Variants in CSMD1 observed in about 807,000 individuals in gnomAD.
CSMD1 encodes the protein CUB and Sushi multiple domains 1, also known as CUB and sushi domain-containing protein 1.
In CSMD1, 213 loss-of-function variants were observed where a neutral mutation model predicts 417.5. That is an observed-to-expected ratio of 0.51 (90% CI 0.46 to 0.57). The LOEUF (loss-of-function observed/expected upper bound fraction) is 0.57, where lower values mean the gene tolerates loss of function less well. CSMD1 is among the 20% of genes least tolerant of loss of function. The pLI, the probability that CSMD1 is intolerant of heterozygous loss-of-function variation, is 0.00. For synonymous variants in CSMD1, 2,862 were observed against 1,736.8 expected (o/e 1.65, Z -16.11); for missense variants, 6,923 against 4,529.7 (o/e 1.53, Z -15.17).
At chr8:4,061,199 C>G (rs1177441048) in intron 3 of CSMD1, among the ~76,000 whole-genome samples, 3 of 152,154 alleles carry the variant, frequency 2.0e-5, no homozygotes, top group Non-Finnish European at 2.9e-5. Flanking sequence ...AACATGAGCC[C>G]TTTTAGGAAC....
At position 4,031,999 on chromosome 8, in the gene CSMD1, G is replaced by A. The variant is rs149086811; in HGVS notation, c.516C>T (p.Leu172=). The change falls in exon 4 of 70, where the codon CTC becomes CTT. Residue 172 remains leucine, a synonymous_variant. Transcript: ENST00000635120. ...NIGDKIRYSC[L]PGYILEGHAI... ...CGTGGCCTTCCAAGATGTAGCCAGG[G>A]AGGCAGCTGTACCGGATTTTGTCTC... The A allele has an allele frequency of 7.8e-4, 1,261 of 1,613,914 alleles. 9 individuals carry two copies. In the African/African-American group the frequency reaches 0.015, roughly 19 times the overall value.
At chr8:4,306,253 T>C (rs1030505035) in intron 3 of CSMD1, among the ~76,000 whole-genome samples, 1 of 152,198 alleles carries the variant, frequency 6.6e-6, no homozygotes, top group African/African-American at 2.4e-5. Context: ...CAATACGTGG[T>C]GGCACAAGTT....
chr8:4,140,668 A>T (rs2131014733), intron 3 of CSMD1, among the ~76,000 whole-genome samples: 1 of 150,878 alleles, frequency 6.6e-6, no homozygotes, highest in South Asian at 2.1e-4. Flanking sequence ...ACCCTGTCTC[A>T]ATTAAAAATA....
At chr8:2,989,731 A>G (rs771126546) in intron 54 of CSMD1, among the ~76,000 whole-genome samples, 2 of 152,206 alleles carry the variant, frequency 1.3e-5, no homozygotes, top group African/African-American at 4.8e-5. Flanking sequence ...AAATTAGAAG[A>G]AAGTGGAACC....
chr8:3,768,622 G>A (rs749772268), intron 5 of CSMD1, among the ~76,000 whole-genome samples: 2 of 152,316 alleles, frequency 1.3e-5, no homozygotes, highest in South Asian at 2.1e-4. Flanking sequence ...AGCAGGAATT[G>A]ACCATATTTT....
chr8:3,879,899 T>C (rs574707776), intron 5 of CSMD1, among the ~76,000 whole-genome samples: 236 of 152,228 alleles, frequency 1.6e-3, no homozygotes, highest in African/African-American at 5.3e-3. Flanking sequence ...TTCACGTTTT[T>C]ATCCCCTATA....
At chr8:4,054,788 C>A (rs769298782) in intron 3 of CSMD1, among the ~76,000 whole-genome samples, 1 of 152,014 alleles carries the variant, frequency 6.6e-6, no homozygotes. Flanking sequence ...TTCAAGTGGA[C>A]GAACAACAAT....
rs994149632 is a variant in CSMD1 at position 4,057,701 on chromosome 8, G to C, written c.416-25602C>G. On this transcript the variant is annotated intron_variant, in intron 3 of 69. Coordinates refer to ENST00000635120, the MANE Select transcript of CSMD1 (RefSeq NM_033225.6). ...TTAAGTCTTTAATCTATCTTGAATT[G>C]ATTTCTGTACAAGGTGTAAGGAAGG... 2.6e-5 allele frequency among the ~76,000 whole-genome samples: 4 copies of C among 151,680 alleles called. No individual in the cohort carries two copies. The East Asian group carries it at 7.8e-4, about 30-fold the overall frequency.
At chr8:4,250,751 T>C (rs1025862089) in intron 3 of CSMD1, among the ~76,000 whole-genome samples, 6 of 152,172 alleles carry the variant, frequency 3.9e-5, no homozygotes, top group African/African-American at 1.4e-4. Flanking sequence ...AGAAAAACTG[T>C]AAATATGTAT....
intron 5 of CSMD1, among the ~76,000 whole-genome samples, chr8:3,914,209 C>A (rs754902687): frequency 6.6e-6 from 1 of 152,022 alleles, no homozygotes; most frequent in Non-Finnish European, 1.5e-5. Context: ...AGGTAAGTAA[C>A]TTGAGCACCT....
chr8:3,242,777 C>T (rs75733799), intron 26 of CSMD1, among the ~76,000 whole-genome samples: 1 of 151,230 alleles, frequency 6.6e-6, no homozygotes, highest in Non-Finnish European at 1.5e-5. Flanking sequence ...GGGTTTCTTA[C>T]CCTCCAGACA....
At chr8:4,804,528 T>TGAGA (rs138277396) in intron 1 of CSMD1, among the ~76,000 whole-genome samples, 1 of 140,990 alleles carries the variant, frequency 7.1e-6, no homozygotes. Flanking sequence ...AGAATGGACG[T>TGAGA]GAGAGAGAGA....
intron 1 of CSMD1, among the ~76,000 whole-genome samples, chr8:4,892,613 G>C (rs1804194401): frequency 6.6e-6 from 1 of 151,978 alleles, no homozygotes; most frequent in Non-Finnish European, 1.5e-5. Flanking sequence ...AGTAAAAGTA[G>C]TCTTTCCTTA....
At chr8:4,869,304 G>C (rs569447823) in intron 1 of CSMD1, among the ~76,000 whole-genome samples, 7 of 151,950 alleles carry the variant, frequency 4.6e-5, no homozygotes, top group African/African-American at 1.7e-4. Flanking sequence ...TCATTTGATG[G>C]AAACAGTGGA....
rs1049476708 is a variant in CSMD1 at position 4,169,851 on chromosome 8, G to A, written c.416-137752C>T. On this transcript the variant is annotated intron_variant, in intron 3 of 69. Coordinates refer to ENST00000635120, the MANE Select transcript of CSMD1 (RefSeq NM_033225.6). The stretch of plus-strand genomic sequence containing the variant: ...TTCCTGAATTATTTCCATAGCATGC[G>A]TCATCATTTAGGATACTGTGTAATT... Among the ~76,000 whole-genome samples, 7 of 151,968 alleles carry A rather than the reference G, an allele frequency of 4.6e-5. No homozygotes were observed. In the East Asian group the frequency reaches 7.7e-4, roughly 17 times the overall value.
At chr8:4,242,641 T>G (rs1038662081) in intron 3 of CSMD1, among the ~76,000 whole-genome samples, 1 of 152,174 alleles carries the variant, frequency 6.6e-6, no homozygotes, top group Non-Finnish European at 1.5e-5. Flanking sequence ...CTTTGTGTGT[T>G]TGGAAATAGA....
chr8:4,135,243 T>G (rs999132482), intron 3 of CSMD1, among the ~76,000 whole-genome samples: 1 of 151,960 alleles, frequency 6.6e-6, no homozygotes, highest in Non-Finnish European at 1.5e-5. Flanking sequence ...GGGAATATAT[T>G]TATTCATGTC....
intron 1 of CSMD1, among the ~76,000 whole-genome samples, chr8:4,799,889 C>T (rs73661152): frequency 1.3e-5 from 2 of 152,142 alleles, no homozygotes; most frequent in African/African-American, 4.8e-5. Flanking sequence ...ATTCAACAGA[C>T]CTGGACTGGT....
At chr8:4,985,392 T>A (rs574640532) in intron 1 of CSMD1, among the ~76,000 whole-genome samples, 1 of 151,920 alleles carries the variant, frequency 6.6e-6, no homozygotes, top group African/African-American at 2.4e-5. Context: ...AAAAAAAATG[T>A]GGTGTAGGTG....
Sources: allele counts gnomAD v4.1 joint callset (sites outside exome capture counted in the v4.1 genomes callset), GRCh38; gene constraint gnomAD v4.1.1; transcripts MANE v1.5; gene names NCBI Gene and HGNC (gene_info 2026-07-23, HGNC 2026-07-21).